The following NOM1 variants were observed in gnomAD, a reference collection of about 807,000 sequenced individuals.
NOM1 encodes nucleolar protein with MIF4G domain 1.
In NOM1, 58 loss-of-function variants were observed where a neutral mutation model predicts 73.3. The observed-to-expected ratio is 0.79, with a 90% confidence interval of 0.64 to 0.99. The LOEUF (loss-of-function observed/expected upper bound fraction) is 0.99. Among genes scored for constraint, NOM1 ranks in the 50% least tolerant of loss-of-function variants. NOM1 has a pLI of 0.00. For synonymous variants in NOM1, 487 were observed against 446.8 expected (o/e 1.09, Z -1.14); for missense variants, 1,226 against 1,131.9 (o/e 1.08, Z -1.19).
chr7:156,960,871 T>C (rs767294563), intron 4 of NOM1, among the ~76,000 whole-genome samples: 1 of 151,788 alleles, frequency 6.6e-6, no homozygotes, highest in African/African-American at 2.4e-5. Flanking sequence ...TGGTGGCAAA[T>C]GTTGGGATCG....
Position 156,950,064 on chromosome 7 carries a change from C to T in NOM1, c.327C>T (p.Gly109=). ...QRTAGPEQGP[G]LGGRSGAEEA... ...CGGCGGGCCCCGAACAGGGTCCCGG[C>T]CTGGGAGGCCGAAGCGGAGCCGAAG... is the stretch of plus-strand genomic sequence containing the variant. The change falls in exon 1 of 11, where the codon GGC becomes GGT. Residue 109 remains glycine (G), a synonymous_variant. Coordinates refer to ENST00000275820, the MANE Select transcript of NOM1 (RefSeq NM_138400.2). The T allele has an allele frequency of 6.5e-7, 1 of 1,543,778 alleles. No individual in the cohort carries two copies. Among genetic ancestry groups the T allele is most frequent in the Non-Finnish European group, 8.7e-7 (1 of 1,146,968 alleles).
chr7:156,965,493 A>C (rs1804971262), intron 7 of NOM1, among the ~76,000 whole-genome samples: 1 of 152,238 alleles, frequency 6.6e-6, no homozygotes, highest in African/African-American at 2.4e-5. Context: ...TCACGGCCCC[A>C]GGTTCTCACG....
chr7:156,956,034 CA>C (rs1321804879), intron 3 of NOM1, among the ~76,000 whole-genome samples: 4 of 150,758 alleles, frequency 2.7e-5, no homozygotes, highest in South Asian at 2.1e-4. Context: ...ACTAAAAATA[CA>C]AAAAAAAATT....
At chr7:156,969,459 A>G (rs188609967) in intron 10 of NOM1, 70 bp from the exon 11 acceptor site, 1 of 1,336,016 alleles carries the variant, frequency 7.5e-7, no homozygotes, top group Admixed American at 2.3e-5. Flanking sequence ...TCACTATGCG[A>G]GATACCCAGG....
At chr7:156,959,741 GC>G in intron 3 of NOM1, 109 bp from the exon 4 acceptor site, 1 of 1,097,076 alleles carries the variant, frequency 9.1e-7, no homozygotes, top group East Asian at 2.6e-5. Flanking sequence ...TTGTTGGAAT[GC>G]CCTGCCTTGT....
chr7:156,963,745 C>G (rs1586573488), intron 6 of NOM1, 160 bp from the exon 7 acceptor site: 1 of 690,912 alleles, frequency 1.4e-6, no homozygotes, highest in East Asian at 2.8e-5. Flanking sequence ...CTATGTGTTC[C>G]CCTTGCACAG....
chr7:156,967,036 G>C lies in NOM1; in HGVS notation c.2242G>C (p.Val748Leu). 6.2e-7 allele frequency: 1 copy of C among 1,613,652 alleles called. No individual in the cohort carries two copies. ...NLPATNFSNLVHLVAHLLKTK... is the reference protein window; with the variant it reads ...NLPATNFSNLLHLVAHLLKTK... ...GCCAGCTACGAATTTCTCTAATTTG[G>C]TTCATCTGGTGGCCCACTTGTTGAA... is the stretch of plus-strand genomic sequence containing the variant. The change falls in exon 9 of 11, where the codon GTT (valine) becomes CTT (leucine). Residue 748 changes from valine (V) to leucine (L), a missense_variant. Val to Leu is a conservative substitution (Grantham distance 32). Transcript: ENST00000275820.
Position 156,949,948 on chromosome 7 carries a change from C to G in NOM1, c.211C>G (p.Pro71Ala). ...APGGCEGRGAPVSFRPGGRKS... is the reference protein window; with the variant it reads ...APGGCEGRGAAVSFRPGGRKS... ...CGGGGGTTGCGAGGGGCGCGGCGCC[C>G]CGGTGAGCTTTCGCCCGGGAGGGAG... The change falls in exon 1 of 11, where the codon CCG (proline) becomes GCG (alanine). Residue 71 changes from proline to alanine, a missense_variant. Pro to Ala is a conservative substitution (Grantham distance 27). Transcript: ENST00000275820. 2 of 1,541,992 alleles carry G rather than the reference C, an allele frequency of 1.3e-6. No homozygotes were observed. The highest frequency in any genetic ancestry group is 8.7e-7 in the Non-Finnish European group (1 of 1,146,410).
chr7:156,963,408 G>T, intron 6 of NOM1: 1 of 567,708 alleles, frequency 1.8e-6, no homozygotes, highest in South Asian at 2.0e-5. Flanking sequence ...GAATGGCACG[G>T]GGCAGGGGAG....
intron 4 of NOM1, among the ~76,000 whole-genome samples, chr7:156,960,423 C>T (rs567472440): frequency 6.6e-6 from 1 of 152,314 alleles, no homozygotes; most frequent in South Asian, 2.1e-4. Context: ...GAGGAGGCCA[C>T]AGGACATGGG....
At position 156,969,160 on chromosome 7, in the gene NOM1, A is replaced by C. The variant is rs1199601654; in HGVS notation, c.2372A>C (p.Glu791Ala). The C allele has an allele frequency of 6.3e-7, 1 of 1,598,150 alleles. No individual in the cohort carries two copies. ...AAAGTATTAAGTATCCTATTAATGGAAACAGAAGTTGAAGACCTCAGTTTA... is the reference window on the plus strand; with the variant it reads ...AAAGTATTAAGTATCCTATTAATGGCAACAGAAGTTGAAGACCTCAGTTTA... ...LRKVLSILLM[E>A]TEVEDLSLIF... The change falls in exon 10 of 11, where the codon GAA (glutamate) becomes GCA (alanine). Residue 791 changes from glutamate (E) to alanine (A), a missense_variant. Coordinates refer to ENST00000275820, the MANE Select transcript of NOM1 (RefSeq NM_138400.2).
At chr7:156,958,223 G>A (rs758588964) in intron 3 of NOM1, among the ~76,000 whole-genome samples, 1 of 152,194 alleles carries the variant, frequency 6.6e-6, no homozygotes, top group African/African-American at 2.4e-5. Flanking sequence ...GATGGCCCCT[G>A]TTGAAGCTTA....
In NOM1 at chr7:156,969,669, AGTGTCTGC is replaced by A; in HGVS notation, c.2550_2557del (p.Cys851ArgfsTer26). ...AGAGAGAAAGCTGACCTTGCAACGA[AGTGTCTGC>A]AAGGAAAAGCTTCCCTGAGAATGTA... On this transcript the variant is annotated frameshift_variant, in exon 11 of 11. Coordinates refer to ENST00000275820, the MANE Select transcript of NOM1 (RefSeq NM_138400.2). LOFTEE classifies it high-confidence loss of function. The A allele has an allele frequency of 6.2e-7, 1 of 1,612,848 alleles. No homozygotes were observed.
intron 2 of NOM1, 63 bp downstream of exon 2, chr7:156,952,661 G>T: frequency 6.5e-7 from 1 of 1,545,574 alleles, no homozygotes; most frequent in East Asian, 2.3e-5. Context: ...TAAAATGTAG[G>T]AATTATCCCA....
intron 7 of NOM1, 64 bp from the exon 8 acceptor site, chr7:156,966,206 A>C: frequency 6.3e-7 from 1 of 1,593,010 alleles, no homozygotes; most frequent in South Asian, 1.1e-5. Flanking sequence ...TTCCCCTGAA[A>C]GGTATCAGCC....
intron 3 of NOM1, among the ~76,000 whole-genome samples, chr7:156,959,638 TGCC>T (rs2134784247): frequency 6.6e-6 from 1 of 152,324 alleles, no homozygotes; most frequent in East Asian, 1.9e-4. Context: ...GGCCAAACAG[TGCC>T]CCTTGGTTGT....
rs114978623 is a variant in NOM1, at chr7:156,960,154, G to C, written c.1612G>C (p.Glu538Gln). 1 of 1,613,340 alleles carries C rather than the reference G, an allele frequency of 6.2e-7. No individual in the cohort carries two copies. The highest frequency in any genetic ancestry group is 8.5e-7 in the Non-Finnish European group (1 of 1,179,900). The change falls in exon 4 of 11, where the codon GAG becomes CAG. Residue 538 changes from glutamate to glutamine, a missense_variant. By Grantham distance (29) the Glu-to-Gln change is conservative. Coordinates refer to ENST00000275820, the MANE Select transcript of NOM1 (RefSeq NM_138400.2). The stretch of plus-strand genomic sequence containing the variant: ...GACCAAAGCCAGCGGGGCAGGCAGC[G>C]AGTTTCAGGACCAGACCAGGGTACG... Reference protein sequence around the residue: ...AQTKASGAGSEFQDQTRIRFM... With the variant: ...AQTKASGAGSQFQDQTRIRFM...
chr7:156,951,380 C>CTA (rs1804589223), intron 1 of NOM1, among the ~76,000 whole-genome samples: 1 of 152,050 alleles, frequency 6.6e-6, no homozygotes, highest in African/African-American at 2.4e-5. Context: ...GAGCCAGACT[C>CTA]TGTTTCAAAG....
rs1359702166 is a variant in NOM1 at position 156,969,609 on chromosome 7, A to C, written c.2489A>C (p.Gln830Pro). 3.1e-6 allele frequency: 5 copies of C among 1,613,978 alleles called. No individual in the cohort carries two copies. The change falls in exon 11 of 11, where the codon CAG becomes CCG. Residue 830 changes from glutamine (Q) to proline (P), a missense_variant. Gln to Pro is a moderately conservative substitution (Grantham distance 76, BLOSUM62 -1). Coordinates refer to ENST00000275820, the MANE Select transcript of NOM1 (RefSeq NM_138400.2). The part of the protein sequence containing the change: ...FISHFLLKNA[Q>P]AHRSADEANV... The stretch of plus-strand genomic sequence containing the variant: ...AGCCACTTCTTGCTAAAGAACGCAC[A>C]GGCCCACAGAAGCGCCGACGAAGCC...
Sources: allele counts gnomAD v4.1 joint callset (sites outside exome capture counted in the v4.1 genomes callset), GRCh38; gene constraint gnomAD v4.1.1; transcripts MANE v1.5; gene names NCBI Gene and HGNC (gene_info 2026-07-23, HGNC 2026-07-21).